TMEM132D: variants seen among roughly 807,000 people sequenced by gnomAD.
TMEM132D encodes the protein transmembrane protein 132D.
A neutral mutation model predicts 62.3 loss-of-function variants in TMEM132D; 21 were observed. That is an observed-to-expected ratio of 0.34 (90% CI 0.24 to 0.49). The LOEUF (loss-of-function observed/expected upper bound fraction) is 0.49, where lower values mean the gene tolerates loss of function less well. TMEM132D is among the 20% of genes least tolerant of loss of function. The probability of loss-of-function intolerance (pLI) is 0.99; values close to 1 mark genes in which losing one functional copy is unlikely to be tolerated. For synonymous variants in TMEM132D, 621 were observed against 575.6 expected, an observed-to-expected ratio of 1.08 and a Z score of -1.13; for missense variants, 1,346 against 1,402.8, an observed-to-expected ratio of 0.96 and a Z score of 0.65.
At position 129,220,259 on chromosome 12, in the gene TMEM132D, A is replaced by G. The variant is rs533009999; in HGVS notation, c.1300-10596T>C. Reference sequence around the variant, plus strand: ...GCTGCTTGTCATGACTAGAAAGCTTACAAATCAGACAGATGGTTCTAGAAC... The same window carrying G: ...GCTGCTTGTCATGACTAGAAAGCTTGCAAATCAGACAGATGGTTCTAGAAC... On this transcript the variant is annotated intron_variant, in intron 4 of 8. Coordinates refer to ENST00000422113, the MANE Select transcript of TMEM132D (RefSeq NM_133448.3). 6.6e-5 allele frequency among the ~76,000 whole-genome samples: 10 copies of G among 152,212 alleles called. No homozygotes were observed. The South Asian group carries it at 2.1e-3, about 32-fold the overall frequency.
intron 3 of TMEM132D, among the ~76,000 whole-genome samples, chr12:129,483,092 G>A (rs1301746509): frequency 6.6e-6 from 1 of 152,006 alleles, no homozygotes; most frequent in Non-Finnish European, 1.5e-5. Flanking sequence ...AAAGAAAATT[G>A]TGTTTTCTAA....
At chr12:129,653,302 A>G (rs964316890) in intron 2 of TMEM132D, among the ~76,000 whole-genome samples, 1 of 152,212 alleles carries the variant, frequency 6.6e-6, no homozygotes, top group Non-Finnish European at 1.5e-5. Context: ...ATCATCACAC[A>G]GCCAGGGCTT....
chr12:129,525,150 C>T (rs1315034547), intron 3 of TMEM132D, among the ~76,000 whole-genome samples: 1 of 146,424 alleles, frequency 6.8e-6, no homozygotes, highest in Non-Finnish European at 1.5e-5. Flanking sequence ...TGGTCTCGAT[C>T]TCCTGACTTC....
chr12:129,184,704 C>G (rs1043541994), intron 5 of TMEM132D, among the ~76,000 whole-genome samples: 1 of 152,222 alleles, frequency 6.6e-6, no homozygotes, highest in South Asian at 2.1e-4. Flanking sequence ...GTTCGGTGTT[C>G]CTGTCTCTTC....
chr12:129,300,224 A>G (rs893159205), intron 4 of TMEM132D, among the ~76,000 whole-genome samples: 2 of 152,166 alleles, frequency 1.3e-5, no homozygotes, highest in Non-Finnish European at 2.9e-5. Flanking sequence ...CAATACTCTC[A>G]AGGCCGACCA....
intron 4 of TMEM132D, among the ~76,000 whole-genome samples, chr12:129,310,770 T>C (rs1210578639): frequency 6.6e-6 from 1 of 152,168 alleles, no homozygotes; most frequent in Admixed American, 6.5e-5. Context: ...TAGGAAGGAA[T>C]TGGACCCCAA....
intron 5 of TMEM132D, among the ~76,000 whole-genome samples, chr12:129,092,494 C>T (rs553686572): frequency 3.9e-5 from 6 of 151,976 alleles, no homozygotes; most frequent in Non-Finnish European, 7.4e-5. Flanking sequence ...CAGGAGTTCG[C>T]GACCAGCCCG....
intron 3 of TMEM132D, among the ~76,000 whole-genome samples, chr12:129,362,907 C>G (rs1219524363): frequency 6.6e-6 from 1 of 152,214 alleles, no homozygotes; most frequent in African/African-American, 2.4e-5. Flanking sequence ...GCTCTGCCTG[C>G]AGACTCCTTC....
chr12:129,242,288 G>T (rs973749925), intron 4 of TMEM132D, among the ~76,000 whole-genome samples: 1 of 152,216 alleles, frequency 6.6e-6, no homozygotes, highest in African/African-American at 2.4e-5. Context: ...GAGGAGCAAA[G>T]TTGTAGAAGC....
intron 1 of TMEM132D, among the ~76,000 whole-genome samples, chr12:129,858,517 A>G (rs370377529): frequency 1.5e-3 from 25 of 16,388 alleles, no homozygotes; most frequent in African/African-American, 3.0e-3. Flanking sequence ...AACGGAGTCC[A>G]GGGGAACGGG....
chr12:129,571,864 T>A lies in TMEM132D; in HGVS notation c.969-40659A>T, dbSNP rs556265424. On this transcript the variant is annotated intron_variant, in intron 2 of 8. Coordinates refer to ENST00000422113, the MANE Select transcript of TMEM132D (RefSeq NM_133448.3). ...TTGTGAATAAGGAAAAGTTTTTTTT[T>A]AAAAAAAGCAAAAGCTCCTTCCTGA... Among the ~76,000 whole-genome samples, 36 of 151,940 alleles carry A rather than the reference T, an allele frequency of 2.4e-4. No individual in the cohort carries two copies. In the East Asian group the frequency reaches 3.7e-3, roughly 16 times the overall value.
In TMEM132D at chr12:129,903,899, G is replaced by C. The variant is rs530952921; in HGVS notation, c.-560C>G. 0.025 allele frequency among the ~76,000 whole-genome samples: 3,733 copies of C among 147,220 alleles called. 158 individuals are homozygous for C. Among genetic ancestry groups the C allele is most frequent in the African/African-American group, 0.088 (3,594 of 41,058 alleles). ...CCCAGGCCGGCCGCTGCGCCTCGGG[G>C]CTCGGGCGCGCGCGCGCTCCGGCAC... On this transcript the variant is annotated 5_prime_UTR_variant, in exon 1 of 9. Coordinates refer to ENST00000422113, the MANE Select transcript of TMEM132D (RefSeq NM_133448.3). The surrounding 1 kb of genome is among the most constrained non-coding windows in gnomAD (Gnocchi z 6.2).
At chr12:129,793,517 G>A (rs567466319) in intron 1 of TMEM132D, among the ~76,000 whole-genome samples, 83 of 152,116 alleles carry the variant, frequency 5.5e-4, no homozygotes, top group Non-Finnish European at 8.7e-4. Flanking sequence ...TGGGACTACA[G>A]ACATGTGCCA....
chr12:129,696,899 C>T (rs1259495803), intron 2 of TMEM132D, among the ~76,000 whole-genome samples: 1 of 152,192 alleles, frequency 6.6e-6, no homozygotes, highest in Non-Finnish European at 1.5e-5. Context: ...ATGTCACCTT[C>T]AGAAGATAGA....
intron 2 of TMEM132D, among the ~76,000 whole-genome samples, chr12:129,535,721 G>A (rs942916480): frequency 2.6e-5 from 4 of 151,818 alleles, no homozygotes; most frequent in African/African-American, 4.8e-5. Context: ...ATAAAAGTGG[G>A]ATAAAGGGGA....
intron 5 of TMEM132D, among the ~76,000 whole-genome samples, chr12:129,128,134 T>G (rs1299454964): frequency 7.2e-5 from 11 of 151,854 alleles, no homozygotes; most frequent in African/African-American, 2.2e-4. Context: ...AGGTAGAGAG[T>G]TCACAACTCT....
intron 1 of TMEM132D, among the ~76,000 whole-genome samples, chr12:129,711,881 G>C (rs1423777877): frequency 6.6e-6 from 1 of 150,772 alleles, no homozygotes; most frequent in African/African-American, 2.4e-5. Flanking sequence ...GACTATAACA[G>C]GTAAAAGTTG....
intron 2 of TMEM132D, among the ~76,000 whole-genome samples, chr12:129,629,758 C>G (rs981600745): frequency 3.9e-5 from 6 of 152,100 alleles, no homozygotes; most frequent in Non-Finnish European, 8.8e-5. Flanking sequence ...GTATACAAAC[C>G]TTTGTGTACA....
chr12:129,398,841 TCCATCCATCCATC>T (rs1566056820), intron 3 of TMEM132D, among the ~76,000 whole-genome samples: 8 of 124,918 alleles, frequency 6.4e-5, no homozygotes, highest in Admixed American at 4.8e-4. Flanking sequence ...TATTCATCCA[TCCATCCATCCATC>T]CATCCATCCA....
Sources: allele counts gnomAD v4.1 joint callset (sites outside exome capture counted in the v4.1 genomes callset), GRCh38; gene constraint gnomAD v4.1.1; non-coding constraint Gnocchi (gnomAD v3.1); transcripts MANE v1.5; gene names NCBI Gene and HGNC (gene_info 2026-07-23, HGNC 2026-07-21).